The following GNG2 variants were observed in gnomAD, a reference collection of about 807,000 sequenced individuals.
The protein encoded by GNG2 is G protein subunit gamma 2, also known as guanine nucleotide-binding protein G(I)/G(S)/G(O) subunit gamma-2.
A neutral mutation model predicts 5.5 loss-of-function variants in GNG2; 5 were observed. That is an observed-to-expected ratio of 0.91 (90% CI 0.48 to 1.92). The LOEUF (loss-of-function observed/expected upper bound fraction) is 1.92. GNG2 is among the 30% of genes most tolerant of loss of function. GNG2 has a pLI of 0.01. For missense variants in GNG2, 55 were observed against 88.4 expected (o/e 0.62, Z 1.52); for synonymous variants, 28 against 32.0 (o/e 0.88, Z 0.42).
At chr14:51,889,314 T>C (rs927348276) in intron 2 of GNG2, among the ~76,000 whole-genome samples, 2 of 152,008 alleles carry the variant, frequency 1.3e-5, no homozygotes, top group African/African-American at 4.8e-5. Flanking sequence ...GGTTTCACCA[T>C]GTTGGCCAGG....
intron 2 of GNG2, among the ~76,000 whole-genome samples, chr14:51,947,122 G>A (rs1888688880): frequency 6.6e-6 from 1 of 152,042 alleles, no homozygotes; most frequent in Non-Finnish European, 1.5e-5. Flanking sequence ...TGCATTTCTA[G>A]ACTACTGCCC....
chr14:51,951,882 C>T, intron 3 of GNG2: 1 of 702,156 alleles, frequency 1.4e-6, no homozygotes, highest in Non-Finnish European at 2.6e-6. Context: ...TCTGGTGTTT[C>T]ACAGGAAGTT....
chr14:51,848,951 A>G (rs1047813814), intron 2 of GNG2, among the ~76,000 whole-genome samples: 1 of 152,218 alleles, frequency 6.6e-6, no homozygotes, highest in African/African-American at 2.4e-5. Flanking sequence ...AGTACTGGGT[A>G]CTATACAAGT....
chr14:51,869,615 C>G (rs1883166636), intron 1 of GNG2, among the ~76,000 whole-genome samples: 1 of 152,152 alleles, frequency 6.6e-6, no homozygotes, highest in African/African-American at 2.4e-5. Context: ...AGGTGGGAGG[C>G]TGATCCTTTC....
At chr14:51,888,320 G>T (rs1884604956) in intron 2 of GNG2, among the ~76,000 whole-genome samples, 2 of 151,638 alleles carry the variant, frequency 1.3e-5, no homozygotes, top group South Asian at 2.1e-4. Flanking sequence ...GTTTGTTTTT[G>T]TTGTTGTTGT....
At chr14:51,863,454 A>T (rs1458577110) in intron 1 of GNG2, among the ~76,000 whole-genome samples, 1 of 152,182 alleles carries the variant, frequency 6.6e-6, no homozygotes, top group African/African-American at 2.4e-5. Context: ...TGGTGGCATA[A>T]GGAAAAGTTA....
At chr14:51,890,881 T>A (rs1566667872) in intron 2 of GNG2, among the ~76,000 whole-genome samples, 1 of 83,902 alleles carries the variant, frequency 1.2e-5, no homozygotes, top group East Asian at 3.2e-4. Context: ...ATTAACATGT[T>A]TATTTCATAT....
At chr14:51,847,502 G>A (rs1881672536) in intron 2 of GNG2, 1 of 152,232 alleles carries the variant, frequency 6.6e-6, no homozygotes, top group South Asian at 2.1e-4. Context: ...AAAAGCGGAA[G>A]TATCTGTTGA....
intron 2 of GNG2, among the ~76,000 whole-genome samples, chr14:51,836,904 C>A (rs1032804567): frequency 1.6e-4 from 23 of 143,290 alleles, no homozygotes; most frequent in African/African-American, 5.9e-4. Flanking sequence ...GTTGCCCAGG[C>A]CAGAGTGCAG....
At chr14:51,845,463 C>T (rs961898015) in intron 2 of GNG2, among the ~76,000 whole-genome samples, 3 of 152,182 alleles carry the variant, frequency 2.0e-5, no homozygotes, top group African/African-American at 7.2e-5. Flanking sequence ...CACTGCACTC[C>T]AACCTGGGTG....
At chr14:51,866,043 G>A (rs1362225263) in intron 1 of GNG2, among the ~76,000 whole-genome samples, 1 of 152,128 alleles carries the variant, frequency 6.6e-6, no homozygotes, top group Non-Finnish European at 1.5e-5. Flanking sequence ...GATAAGACAG[G>A]ATCAGCCCCT....
intron 2 of GNG2, among the ~76,000 whole-genome samples, chr14:51,841,752 G>A (rs1881489631): frequency 6.6e-6 from 1 of 152,204 alleles, no homozygotes; most frequent in South Asian, 2.1e-4. Flanking sequence ...AGCATATAGA[G>A]GTAGGTATAG....
chr14:51,845,244 A>G (rs1881590180), intron 2 of GNG2, among the ~76,000 whole-genome samples: 1 of 152,218 alleles, frequency 6.6e-6, no homozygotes, highest in African/African-American at 2.4e-5. Flanking sequence ...TCATGCCAGC[A>G]CTTTGGGAGA....
chr14:51,900,867 T>C (rs1885504210), intron 2 of GNG2, among the ~76,000 whole-genome samples: 1 of 152,206 alleles, frequency 6.6e-6, no homozygotes, highest in South Asian at 2.1e-4. Context: ...ATCCTTTATA[T>C]GCTTTCATCA....
chr14:51,836,982 A>G (rs982162746), intron 2 of GNG2, among the ~76,000 whole-genome samples: 1 of 150,880 alleles, frequency 6.6e-6, no homozygotes, highest in African/African-American at 2.4e-5. Context: ...CTCAGCCTCC[A>G]AAGTAGCTAG....
chr14:51,888,244 A>G (rs1884598725), intron 2 of GNG2, among the ~76,000 whole-genome samples: 1 of 152,112 alleles, frequency 6.6e-6, no homozygotes, highest in Non-Finnish European at 1.5e-5. Flanking sequence ...ATTCTATTGT[A>G]TTGGTATACC....
At chr14:51,960,209 A>G (rs2140300953) in intron 3 of GNG2, among the ~76,000 whole-genome samples, 1 of 149,528 alleles carries the variant, frequency 6.7e-6, no homozygotes, top group South Asian at 2.1e-4. Context: ...TCTGCACTTC[A>G]TTTTGGATAG....
Position 51,827,627 on chromosome 14 carries a change from T to C in GNG2, c.-76-41T>C. 4.4e-6 allele frequency: 3 copies of C among 687,388 alleles called. No individual in the cohort carries two copies. In the South Asian group the frequency reaches 4.6e-5, roughly 11 times the overall value. The allele number at this position is 687,388 out of a possible 1,614,324, so 42.6% of individuals were successfully genotyped here. Reference sequence around the variant, plus strand: ...GTCAAATAATTAAAGCTGTGATTAGTGTGTTGGATGTTCATCCACGTATAT... The same window carrying C: ...GTCAAATAATTAAAGCTGTGATTAGCGTGTTGGATGTTCATCCACGTATAT... On this transcript the variant is annotated intron_variant, in intron 1 of 3. Transcript: ENST00000553432.
At chr14:51,874,470 G>A (rs960674294) in intron 1 of GNG2, among the ~76,000 whole-genome samples, 7 of 148,576 alleles carry the variant, frequency 4.7e-5, no homozygotes, top group Non-Finnish European at 8.9e-5. Context: ...TTTGGCTTAC[G>A]CCTGTAATCT....
Sources: allele counts gnomAD v4.1 joint callset (sites outside exome capture counted in the v4.1 genomes callset), GRCh38; gene constraint gnomAD v4.1.1; transcripts MANE v1.5; gene names NCBI Gene and HGNC (gene_info 2026-07-23, HGNC 2026-07-21).